ATF5: variants seen among roughly 807,000 people sequenced by gnomAD.
The protein encoded by ATF5 is activating transcription factor 5.
In ATF5, 6 loss-of-function variants were observed where a neutral mutation model predicts 4.6. The observed-to-expected ratio is 1.31, with a 90% CI of 0.72 to 2.59. ATF5 has a LOEUF of 2.59. Among genes scored for constraint, ATF5 ranks in the 30% most tolerant of loss-of-function variants. The probability of loss-of-function intolerance (pLI) is 0.00; values close to 1 mark genes in which losing one functional copy is unlikely to be tolerated. For missense variants in ATF5, 410 were observed against 368.7 expected, an observed-to-expected ratio of 1.11 and a Z score of -0.92; for synonymous variants, 193 against 165.0, an observed-to-expected ratio of 1.17 and a Z score of -1.30.
intron 2 of ATF5, 70 bp downstream of exon 2, chr19:49,931,098 A>G (rs1302651341): frequency 3.0e-5 from 40 of 1,320,150 alleles, no homozygotes; most frequent in Non-Finnish European, 3.8e-5. Context: ...GAACTCATCC[A>G]TGTATTCAAT....
intron 1 of ATF5, 163 bp from the exon 2 acceptor site, chr19:49,930,569 A>T (rs1470976367): frequency 8.4e-6 from 3 of 358,204 alleles, no homozygotes; most frequent in East Asian, 4.2e-5. Flanking sequence ...GAAAGGGCAA[A>T]TTTAGAATTC....
At chr19:49,930,408 C>T (rs1456777564) in intron 1 of ATF5, 1 of 158,184 alleles carries the variant, frequency 6.3e-6, no homozygotes, top group Non-Finnish European at 1.4e-5. Flanking sequence ...GCGAAATATT[C>T]TGAGGTGGAT....
At chr19:49,931,444 G>C (rs373367401) in intron 2 of ATF5, among the ~76,000 whole-genome samples, 11 of 152,096 alleles carry the variant, frequency 7.2e-5, no homozygotes, top group African/African-American at 2.4e-4. Context: ...TTTAGTCCAG[G>C]AGTTCAGGAC....
chr19:49,930,453 T>G, intron 1 of ATF5: 21 of 84,390 alleles, frequency 2.5e-4, no homozygotes, highest in East Asian at 1.2e-3. Flanking sequence ...TGGGAGACCT[T>G]TAGGTTTTTT....
chr19:49,932,604 C>CCCCGG lies in ATF5; in HGVS notation c.364_365insGGCCC (p.Leu122ArgfsTer104). 1 of 1,563,106 alleles carries CCCCGG rather than the reference C, an allele frequency of 6.4e-7. No homozygotes were observed. On this transcript the variant is annotated frameshift_variant, in exon 3 of 3. Transcript: ENST00000423777. LOFTEE classifies it low-confidence loss of function (END_TRUNC). ...GGAAGACTTCTTCCTAGATGCCCCG[C>CCCCGG]CCCTCCCACCACCCTCCCCGCCGCC...
Position 49,932,985 on chromosome 19 carries a change from C to T in ATF5, c.742C>T (p.Arg248Cys), listed in dbSNP as rs138161847. 1.3e-5 allele frequency: 21 copies of T among 1,613,888 alleles called. No homozygotes were observed. Among genetic ancestry groups the T allele is most frequent in the Admixed American group, 1.0e-4 (6 of 59,970 alleles). The change falls in exon 3 of 3, where the codon CGC (arginine) becomes TGC (cysteine). Residue 248 changes from arginine to cysteine, a missense_variant. By Grantham distance (180) the Arg-to-Cys change is radical. Coordinates refer to ENST00000423777, the MANE Select transcript of ATF5 (RefSeq NM_001193646.2). ...GTGCCAGGGGCTGGAGGCACGGAAT[C>T]GCGAGCTGAAGGAACGGGCAGAGTC... ...GECQGLEARN[R>C]ELKERAESVE...
rs143295930 is a variant in ATF5, at chr19:49,933,011, C to G, written c.768C>G (p.Ser256=). 3.7e-6 allele frequency: 6 copies of G among 1,613,764 alleles called. No homozygotes were observed. Among genetic ancestry groups the G allele is most frequent in the Non-Finnish European group, 5.1e-6 (6 of 1,179,870 alleles). ...GCGAGCTGAAGGAACGGGCAGAGTC[C>G]GTGGAGCGCGAGATCCAGTACGTCA... ...RNRELKERAE[S]VEREIQYVKD... is the part of the protein sequence containing the mutation. The change falls in exon 3 of 3, where the codon TCC becomes TCG. Residue 256 remains serine, a synonymous_variant. Transcript: ENST00000423777.
intron 1 of ATF5, 48 bp from the exon 2 acceptor site, chr19:49,930,684 G>A (rs1006264171): frequency 1.1e-5 from 5 of 466,910 alleles, no homozygotes; most frequent in African/African-American, 2.0e-5. Context: ...ATTTTGGCCG[G>A]TGGATGACGC....
Position 49,932,603 on chromosome 19 carries a change from G to GCTCCTGC in ATF5, c.361_362insTCCTGCC (p.Pro121LeufsTer31). ...TGGAAGACTTCTTCCTAGATGCCCC[G>GCTCCTGC]CCCCTCCCACCACCCTCCCCGCCGC... On this transcript the variant is annotated frameshift_variant, in exon 3 of 3. Coordinates refer to ENST00000423777, the MANE Select transcript of ATF5 (RefSeq NM_001193646.2). LOFTEE classifies it low-confidence loss of function (END_TRUNC). 7.9e-6 allele frequency: 11 copies of GCTCCTGC among 1,395,934 alleles called. No individual in the cohort carries two copies. Among genetic ancestry groups the GCTCCTGC allele is most frequent in the African/African-American group, 1.6e-5 (1 of 61,630 alleles). 86.5% of individuals were successfully genotyped at this position (1,395,934 alleles called of 1,614,324 possible).
At chr19:49,931,330 C>T (rs1281670713) in intron 2 of ATF5, 1 of 398,824 alleles carries the variant, frequency 2.5e-6, no homozygotes, top group Non-Finnish European at 4.4e-6. Context: ...AGAAAACCTT[C>T]TCCAAGTAGG....
At chr19:49,928,953 A>G (rs1002183501), upstream of ATF5, 2 of 152,642 alleles carry the variant, frequency 1.3e-5, no homozygotes, top group Admixed American at 1.3e-4. Context: ...GGAGGAGGAA[A>G]CCAGACCCCG....
chr19:49,930,311 A>AG (rs1017411802), intron 1 of ATF5: 3 of 152,048 alleles, frequency 2.0e-5, no homozygotes, highest in African/African-American at 7.3e-5. Flanking sequence ...GATGGAAGCT[A>AG]GGAAGGCAGT....
At chr19:49,931,201 C>G in intron 2 of ATF5, 173 bp downstream of exon 2, 1 of 529,384 alleles carries the variant, frequency 1.9e-6, no homozygotes, top group African/African-American at 1.9e-5. Context: ...CTTCCAGCAG[C>G]TCACACTGTG....
Position 49,933,500 on chromosome 19 carries a change from G to C in ATF5, c.*408G>C, listed in dbSNP as rs1010335641. On this transcript the variant is annotated 3_prime_UTR_variant, in exon 3 of 3. Transcript: ENST00000423777. ...AACAGCCGAGGCACCGAGGCCCACA[G>C]GGAAGCAGCTGGGAGCTTGGAAACC... The C allele has an allele frequency of 6.2e-6, 1 of 160,644 alleles. No homozygotes were observed. The highest frequency in any genetic ancestry group is 1.4e-5 in the Non-Finnish European group (1 of 73,942). The allele number at this position is 160,644 out of a possible 1,614,324, so 10.0% of individuals were successfully genotyped here. A position where few individuals can be genotyped will look rare whatever the true frequency, so the allele number is the denominator to read the frequency against.
At chr19:49,930,077 G>C (rs2076033290) in intron 1 of ATF5, 1 of 152,080 alleles carries the variant, frequency 6.6e-6, no homozygotes, top group African/African-American at 2.4e-5. Flanking sequence ...GATTTCGGAA[G>C]CACATTGTGA....
In ATF5 at chr19:49,933,631, G is replaced by C. The variant is rs2076088902; in HGVS notation, c.*539G>C. 1 of 153,304 alleles carries C rather than the reference G, an allele frequency of 6.5e-6. No individual in the cohort carries two copies. The highest frequency in any genetic ancestry group is 6.6e-5 in the Admixed American group (1 of 15,266). The allele number at this position is 153,304 out of a possible 1,614,324, so 9.5% of individuals were successfully genotyped here. On this transcript the variant is annotated 3_prime_UTR_variant, in exon 3 of 3. Transcript: ENST00000423777. ...ACTATGCAAATGAGGAAGTAAGTCA[G>C]GGCGGGCTTTGAGAAGGGGACCCAT...
intron 1 of ATF5, chr19:49,930,081 A>C (rs1294304844): frequency 6.7e-6 from 1 of 150,208 alleles, no homozygotes; most frequent in African/African-American, 2.4e-5. Context: ...TCGGAAGCAC[A>C]TTGTGAGAAG....
rs2076074514 is a variant in ATF5 at position 49,932,557 on chromosome 19, T to C, written c.314T>C (p.Leu105Pro). The change falls in exon 3 of 3, where the codon CTC becomes CCC. Residue 105 changes from leucine to proline, a missense_variant. Physicochemically the swap from Leu to Pro is moderately conservative, Grantham distance 98 (BLOSUM62 -3). Coordinates refer to ENST00000423777, the MANE Select transcript of ATF5 (RefSeq NM_001193646.2). ...GACCTGGAAGCTATGGCCTCCCTCC[T>C]CAAGAAGGAGCTGGAACAGATGGAA... ...PPDLEAMASL[L>P]KKELEQMEDF... 1.5e-6 allele frequency: 2 copies of C among 1,303,628 alleles called. No individual in the cohort carries two copies. 80.8% of individuals were successfully genotyped at this position (1,303,628 alleles called of 1,614,324 possible).
Position 49,930,959 on chromosome 19 carries a change from C to T in ATF5, c.109C>T (p.Leu37=). 1.3e-6 allele frequency: 2 copies of T among 1,594,104 alleles called. No homozygotes were observed. Among genetic ancestry groups the T allele is most frequent in the African/African-American group, 1.3e-5 (1 of 74,826 alleles). The change falls in exon 2 of 3, where the codon CTG becomes TTG. Residue 37 remains leucine (L), a synonymous_variant. Transcript: ENST00000423777. ...GAAACTCCCCCCGGCCCCTGCCCCC[C>T]TGGCTCCCTATGAGGTCCTTGGGGG... ...YGKLPPAPAP[L]APYEVLGGAL...
Sources: gnomAD v4.1 joint callset for allele counts (sites outside exome capture counted in the v4.1 genomes callset) on GRCh38, gnomAD v4.1.1 for gene constraint, MANE v1.5 for transcripts, NCBI Gene and HGNC (gene_info 2026-07-23, HGNC 2026-07-21) for gene names.